Variants in MALRD1 observed in about 807,000 individuals in gnomAD.
MALRD1 encodes MAM and LDL-receptor class A domain-containing protein 1.
A neutral mutation model predicts 242.1 loss-of-function variants in MALRD1; 247 were observed. That is an observed-to-expected ratio of 1.02 (90% CI 0.92 to 1.13). The LOEUF is 1.13. Among genes scored for constraint, MALRD1 ranks in the 50% most tolerant of loss-of-function variants. The pLI, the probability that MALRD1 is intolerant of heterozygous loss-of-function variation, is 0.00. For missense variants in MALRD1, 2,989 were observed against 2,533.1 expected (o/e 1.18, Z -3.86); for synonymous variants, 995 against 866.6 (o/e 1.15, Z -2.60).
chr10:19,052,093 G>T, intron 1 of MALRD1: 1 of 447,762 alleles, frequency 2.2e-6, no homozygotes, highest in Non-Finnish European at 4.3e-6. Flanking sequence ...GCCATGTCAG[G>T]GCTAGCAAAA....
chr10:19,657,544 CA>C lies in MALRD1; in HGVS notation c.6138-34737del, dbSNP rs539419006. ...ACAGAATTGAGATTTTTTTTCTTAACATTTTTTTTTAGTTTTAATTTTTGTT... is the reference window on the plus strand; with the variant it reads ...ACAGAATTGAGATTTTTTTTCTTAACTTTTTTTTTAGTTTTAATTTTTGTT... On this transcript the variant is annotated intron_variant, in intron 36 of 39. Coordinates refer to ENST00000454679, the MANE Select transcript of MALRD1 (RefSeq NM_001142308.3). Among the ~76,000 whole-genome samples, 446 of 143,298 alleles carry C rather than the reference CA, an allele frequency of 3.1e-3. 2 individuals carry two copies. The highest frequency in any genetic ancestry group is 0.012 in the African/African-American group (415 of 34,188). 94.0% of individuals were successfully genotyped at this position (143,298 alleles called of 152,430 possible). A position where few individuals can be genotyped will look rare whatever the true frequency, so the allele number is the denominator to read the frequency against.
Position 19,323,847 on chromosome 10 carries a change from G to A in MALRD1, c.3420-102G>A. 6 of 1,033,720 alleles carry A rather than the reference G, an allele frequency of 5.8e-6. No individual in the cohort carries two copies. The East Asian group carries it at 1.1e-4, about 18-fold the overall frequency. The allele number at this position is 1,033,720 out of a possible 1,614,324, so 64.0% of individuals were successfully genotyped here. On this transcript the variant is annotated intron_variant, in intron 21 of 39. Coordinates refer to ENST00000454679, the MANE Select transcript of MALRD1 (RefSeq NM_001142308.3). ...GCTGGTCTCGAACTCCTGACTGCAGGTGATCCACCTGCCTCAGCCTCCCAA... is the reference window on the plus strand; with the variant it reads ...GCTGGTCTCGAACTCCTGACTGCAGATGATCCACCTGCCTCAGCCTCCCAA...
In MALRD1 at chr10:19,165,775, A is replaced by T; in HGVS notation, c.1795A>T (p.Ile599Phe). The T allele has an allele frequency of 8.1e-7, 1 of 1,231,156 alleles. No homozygotes were observed. Among genetic ancestry groups the T allele is most frequent in the African/African-American group, 1.5e-5 (1 of 64,534 alleles). 76.3% of individuals were successfully genotyped at this position (1,231,156 alleles called of 1,614,324 possible). ...GTGGAGCCACGCAAAAATTGATCTC[A>T]TTGCAGAAGCGGGAGAATCTACTCT... ...SQWSHAKIDL[I>F]AEAGESTLPF... The change falls in exon 13 of 40, where the codon ATT (isoleucine) becomes TTT (phenylalanine). Residue 599 changes from isoleucine (I) to phenylalanine (F), a missense_variant. Coordinates refer to ENST00000454679, the MANE Select transcript of MALRD1 (RefSeq NM_001142308.3).
At chr10:19,635,498 CAGT>C (rs1443393705) in intron 36 of MALRD1, among the ~76,000 whole-genome samples, 1 of 151,784 alleles carries the variant, frequency 6.6e-6, no homozygotes, top group Non-Finnish European at 1.5e-5. Context: ...AAGTTAAATA[CAGT>C]AGAAGACAGA....
chr10:19,335,672 A>G (rs1221208720), intron 24 of MALRD1, among the ~76,000 whole-genome samples: 1 of 152,156 alleles, frequency 6.6e-6, no homozygotes, highest in Middle Eastern at 3.2e-3. Context: ...TTCTAAGTAA[A>G]GCTTGAACAC....
At chr10:19,289,636 C>T (rs771294810) in intron 21 of MALRD1, among the ~76,000 whole-genome samples, 1 of 152,078 alleles carries the variant, frequency 6.6e-6, no homozygotes, top group East Asian at 1.9e-4. Flanking sequence ...GAGATTATTT[C>T]TTTTCTTAAA....
intron 26 of MALRD1, among the ~76,000 whole-genome samples, chr10:19,366,127 C>A (rs1845097822): frequency 6.6e-6 from 1 of 151,856 alleles, no homozygotes; most frequent in South Asian, 2.1e-4. Context: ...TACTTTATTT[C>A]TATTATTATT....
In MALRD1 at chr10:19,155,095, G is replaced by T; in HGVS notation, c.1579G>T (p.Ala527Ser). 1 of 1,231,452 alleles carries T rather than the reference G, an allele frequency of 8.1e-7. No individual in the cohort carries two copies. The highest frequency in any genetic ancestry group is 3.2e-5 in the East Asian group (1 of 31,692). 76.3% of individuals were successfully genotyped at this position (1,231,452 alleles called of 1,614,324 possible). ...TTCAGGATCGTTTATTTATTTGGAG[G>T]CACAGCGCTCCCCCGGGGTGGCCAA... ...INHGSFIYLEAQRSPGVAKLG... is the reference protein window; with the variant it reads ...INHGSFIYLESQRSPGVAKLG... The change falls in exon 12 of 40, where the codon GCA becomes TCA. Residue 527 changes from alanine to serine, a missense_variant. By Grantham distance (99) the Ala-to-Ser change is moderately conservative. Coordinates refer to ENST00000454679, the MANE Select transcript of MALRD1 (RefSeq NM_001142308.3).
chr10:19,393,027 T>C (rs118029051), intron 28 of MALRD1, among the ~76,000 whole-genome samples: 203 of 152,284 alleles, frequency 1.3e-3, no homozygotes, highest in Middle Eastern at 3.4e-3. Flanking sequence ...AAACTCAAGG[T>C]CACCAGTAAG....
At chr10:19,626,712 G>A (rs1275586105) in intron 36 of MALRD1, among the ~76,000 whole-genome samples, 3 of 149,710 alleles carry the variant, frequency 2.0e-5, no homozygotes, top group Non-Finnish European at 4.4e-5. Context: ...CCTCACAGAA[G>A]ACCTAAATAA....
At chr10:19,645,517 A>G (rs11010903) in intron 36 of MALRD1, among the ~76,000 whole-genome samples, 7,461 of 152,246 alleles carry the variant, frequency 0.049, 227 homozygotes, top group Middle Eastern at 0.096. Flanking sequence ...AGAAAATGTC[A>G]CACATACACA....
intron 31 of MALRD1, among the ~76,000 whole-genome samples, chr10:19,519,190 A>G (rs556929031): frequency 7.4e-6 from 1 of 134,948 alleles, no homozygotes; most frequent in South Asian, 2.4e-4. Flanking sequence ...CATTGTCAAA[A>G]TTTTTCATCA....
intron 25 of MALRD1, among the ~76,000 whole-genome samples, chr10:19,350,353 C>G (rs1300581032): frequency 6.6e-6 from 1 of 150,640 alleles, no homozygotes; most frequent in Non-Finnish European, 1.5e-5. Flanking sequence ...TCACTGCAAC[C>G]TCTGCCTCCC....
intron 31 of MALRD1, among the ~76,000 whole-genome samples, chr10:19,509,029 G>A (rs898578045): frequency 1.8e-4 from 27 of 152,140 alleles, no homozygotes; most frequent in African/African-American, 6.5e-4. Flanking sequence ...TGGAGAAAAA[G>A]AGAACAATGA....
chr10:19,137,955 T>C (rs1833407934), intron 10 of MALRD1, among the ~76,000 whole-genome samples: 1 of 152,200 alleles, frequency 6.6e-6, no homozygotes, highest in African/African-American at 2.4e-5. Flanking sequence ...TGTCTTATTT[T>C]AGTGAGATAT....
chr10:19,133,798 T>C (rs1833211646), intron 8 of MALRD1, 58 bp from the exon 9 acceptor site: 2 of 718,632 alleles, frequency 2.8e-6, no homozygotes, highest in Admixed American at 8.7e-5. Flanking sequence ...AGAGCATGTA[T>C]GTAAATGTGA....
chr10:19,152,036 G>A lies in MALRD1; in HGVS notation c.1559-3039G>A, dbSNP rs1007716733. On this transcript the variant is annotated intron_variant, in intron 11 of 39. Coordinates refer to ENST00000454679, the MANE Select transcript of MALRD1 (RefSeq NM_001142308.3). Reference sequence around the variant, plus strand: ...TACCTGTTTTGCAGAAGGTGAGGTCGAGCCAGATGTGAACACTTTAACCCA... The same window carrying A: ...TACCTGTTTTGCAGAAGGTGAGGTCAAGCCAGATGTGAACACTTTAACCCA... Among the ~76,000 whole-genome samples the A allele has an allele frequency of 3.5e-4, 53 of 152,060 alleles. 3 individuals are homozygous for A. The highest frequency in any genetic ancestry group is 1.3e-4 in the Non-Finnish European group (9 of 68,018).
chr10:19,731,277 G>A (rs1024360647), intron 39 of MALRD1, among the ~76,000 whole-genome samples: 1 of 152,016 alleles, frequency 6.6e-6, no homozygotes, highest in African/African-American at 2.4e-5. Flanking sequence ...GCCCTTTTTG[G>A]GGCTACCCCT....
chr10:19,667,846 G>T (rs1400482757), intron 36 of MALRD1, among the ~76,000 whole-genome samples: 1 of 152,096 alleles, frequency 6.6e-6, no homozygotes, highest in African/African-American at 2.4e-5. Flanking sequence ...ACCATAGAAG[G>T]GGTAACTTAT....
Sources: gnomAD v4.1 joint callset for allele counts (sites outside exome capture counted in the v4.1 genomes callset) on GRCh38, gnomAD v4.1.1 for gene constraint, MANE v1.5 for transcripts, NCBI Gene and HGNC (gene_info 2026-07-23, HGNC 2026-07-21) for gene names.